Variants in TRAPPC8 observed in about 807,000 individuals in gnomAD.
TRAPPC8 encodes the protein trafficking protein particle complex subunit 8.
In TRAPPC8, 54 loss-of-function variants were observed where a neutral mutation model predicts 174.3. That is an observed-to-expected ratio of 0.31 (90% CI 0.25 to 0.39). The LOEUF (loss-of-function observed/expected upper bound fraction) is 0.39, where lower values mean the gene tolerates loss of function less well. TRAPPC8 is among the 10% of genes least tolerant of loss of function. The probability of loss-of-function intolerance (pLI) is 1.00; values close to 1 mark genes in which losing one functional copy is unlikely to be tolerated. For synonymous variants in TRAPPC8, 630 were observed against 579.9 expected (o/e 1.09, Z -1.24); for missense variants, 1,531 against 1,699.1 (o/e 0.90, Z 1.74).
chr18:31,884,629 T>G (rs1342287842), intron 12 of TRAPPC8, among the ~76,000 whole-genome samples: 1 of 152,192 alleles, frequency 6.6e-6, no homozygotes. Flanking sequence ...ACTAAACTTT[T>G]GTTTCAAAAT....
chr18:31,908,528 A>G (rs1480482087), intron 7 of TRAPPC8, 110 bp from the exon 8 acceptor site: 24 of 915,822 alleles, frequency 2.6e-5, no homozygotes, highest in Non-Finnish European at 3.6e-5. Flanking sequence ...TTTTAATAAA[A>G]CTGATTTAAA....
At chr18:31,928,110 C>A (rs140994314) in intron 2 of TRAPPC8, among the ~76,000 whole-genome samples, 1 of 151,088 alleles carries the variant, frequency 6.6e-6, no homozygotes, top group Non-Finnish European at 1.5e-5. Flanking sequence ...GAGCCAAGAT[C>A]GTGCCACTAC....
At chr18:31,894,081 G>A (rs2145382337) in intron 11 of TRAPPC8, among the ~76,000 whole-genome samples, 2 of 152,304 alleles carry the variant, frequency 1.3e-5, no homozygotes, top group East Asian at 3.9e-4. Flanking sequence ...GGCAGATGTG[G>A]AAGTCCATGG....
chr18:31,858,583 C>T (rs920715311), intron 19 of TRAPPC8, among the ~76,000 whole-genome samples: 6 of 152,124 alleles, frequency 3.9e-5, no homozygotes, highest in African/African-American at 1.4e-4. Flanking sequence ...ACAGTTCATG[C>T]AAGAAATATT....
At chr18:31,916,781 G>C (rs985626220) in intron 3 of TRAPPC8, among the ~76,000 whole-genome samples, 1 of 143,738 alleles carries the variant, frequency 7.0e-6, no homozygotes, top group Non-Finnish European at 1.5e-5. Context: ...TAACCCGCCC[G>C]CCTCAGCCTC....
At chr18:31,851,902 C>T (rs1199925985) in intron 24 of TRAPPC8, among the ~76,000 whole-genome samples, 2 of 152,112 alleles carry the variant, frequency 1.3e-5, no homozygotes, top group Admixed American at 1.3e-4. Flanking sequence ...AAGAACTATA[C>T]TTACTTCATA....
intron 19 of TRAPPC8, among the ~76,000 whole-genome samples, chr18:31,863,447 A>G (rs1449599674): frequency 6.6e-6 from 1 of 152,228 alleles, no homozygotes; most frequent in Non-Finnish European, 1.5e-5. Flanking sequence ...GAAAAACTAG[A>G]AGTAAACCCA....
intron 21 of TRAPPC8, 67 bp downstream of exon 21, chr18:31,855,593 A>G (rs1200159467): frequency 1.4e-6 from 2 of 1,411,016 alleles, no homozygotes. Context: ...AACAAAAACC[A>G]CTACTAAACA....
chr18:31,894,461 A>G (rs1357874775), intron 11 of TRAPPC8, among the ~76,000 whole-genome samples: 2 of 151,766 alleles, frequency 1.3e-5, no homozygotes, highest in South Asian at 2.1e-4. Flanking sequence ...TTTATGTTCT[A>G]TAAGAAACTA....
chr18:31,844,930 A>C (rs1400267016), intron 26 of TRAPPC8: 1 of 152,044 alleles, frequency 6.6e-6, no homozygotes, highest in African/African-American at 2.4e-5. Flanking sequence ...AACTTAATCT[A>C]ATCATGAGGA....
At chr18:31,839,105 A>G (rs1323016881) in intron 27 of TRAPPC8, among the ~76,000 whole-genome samples, 1 of 152,228 alleles carries the variant, frequency 6.6e-6, no homozygotes, top group East Asian at 1.9e-4. Context: ...AATTACAAAT[A>G]TATCACATTT....
chr18:31,845,590 A>G (rs942138506), intron 26 of TRAPPC8, among the ~76,000 whole-genome samples: 2 of 152,146 alleles, frequency 1.3e-5, no homozygotes, highest in East Asian at 1.9e-4. Context: ...CGATTAAGGG[A>G]AAAAAACTAA....
chr18:31,905,307 G>A (rs2036611800), intron 9 of TRAPPC8, among the ~76,000 whole-genome samples: 1 of 152,112 alleles, frequency 6.6e-6, no homozygotes, highest in African/African-American at 2.4e-5. Context: ...ATATCCTTCA[G>A]TAGGAAAGGA....
rs1194831469 is a variant in TRAPPC8 at position 31,907,524 on chromosome 18, C to T, written c.1325G>A (p.Cys442Tyr). 6.2e-7 allele frequency: 1 copy of T among 1,609,980 alleles called. No homozygotes were observed. The highest frequency in any genetic ancestry group is 8.5e-7 in the Non-Finnish European group (1 of 1,177,546). The change falls in exon 9 of 29, where the codon TGC becomes TAC. Residue 442 changes from cysteine to tyrosine, a missense_variant. Cys to Tyr is a radical substitution (Grantham distance 194, BLOSUM62 -2). Transcript: ENST00000283351. ...AAAATCTTTCTTTGCAGTATGATAGCAACTGTAAGCCAAATCATAATGCTG... is the reference window on the plus strand; with the variant it reads ...AAAATCTTTCTTTGCAGTATGATAGTAACTGTAAGCCAAATCATAATGCTG... ...LVQHYDLAYSCYHTAKKDFLN... is the reference protein window; with the variant it reads ...LVQHYDLAYSYYHTAKKDFLN...
intron 12 of TRAPPC8, among the ~76,000 whole-genome samples, chr18:31,880,090 A>AAAAAAAAAAAATAT (rs1259899654): frequency 2.3e-5 from 2 of 85,378 alleles, no homozygotes; most frequent in African/African-American, 1.0e-4. Flanking sequence ...TGAAAAAAAA[A>AAAAAAAAAAAATAT]ATATATATAT....
chr18:31,850,733 T>C (rs2033663842), intron 24 of TRAPPC8, among the ~76,000 whole-genome samples: 1 of 152,200 alleles, frequency 6.6e-6, no homozygotes, highest in Admixed American at 6.5e-5. Context: ...AGTTTTCTCA[T>C]TAATCTGTAG....
At chr18:31,903,795 G>A (rs933748941) in intron 9 of TRAPPC8, among the ~76,000 whole-genome samples, 12 of 151,962 alleles carry the variant, frequency 7.9e-5, no homozygotes, top group Admixed American at 7.2e-4. Flanking sequence ...GGAGGCTGAG[G>A]CAGGAGGAGT....
intron 12 of TRAPPC8, among the ~76,000 whole-genome samples, chr18:31,877,053 AT>A (rs1336664317): frequency 6.6e-6 from 1 of 152,152 alleles, no homozygotes; most frequent in East Asian, 1.9e-4. Context: ...ACCCATGGAG[AT>A]GTAACCGTTA....
In TRAPPC8 at chr18:31,839,959, T is replaced by C. The variant is rs377279652; in HGVS notation, c.3838-502A>G. Among the ~76,000 whole-genome samples, 8 of 152,256 alleles carry C rather than the reference T, an allele frequency of 5.3e-5. No individual in the cohort carries two copies. The East Asian group carries it at 1.2e-3, about 22-fold the overall frequency. ...TTGTATAGTATAATCTATACTATAA[T>C]GTGCTTCAACTACACTAGCTAAAGG... On this transcript the variant is annotated intron_variant, in intron 26 of 28. Coordinates refer to ENST00000283351, the MANE Select transcript of TRAPPC8 (RefSeq NM_014939.5).
Sources: gnomAD v4.1 joint callset for allele counts (sites outside exome capture counted in the v4.1 genomes callset) on GRCh38, gnomAD v4.1.1 for gene constraint, MANE v1.5 for transcripts, NCBI Gene and HGNC (gene_info 2026-07-23, HGNC 2026-07-21) for gene names.